The following PEX7 variants were observed in gnomAD, a reference collection of about 807,000 sequenced individuals.
PEX7 encodes PTS2 receptor.
A neutral mutation model predicts 47.5 loss-of-function variants in PEX7; 34 were observed. The observed-to-expected ratio is 0.72, with a 90% CI of 0.54 to 0.95. The LOEUF (loss-of-function observed/expected upper bound fraction) is 0.95. PEX7 is among the 40% of genes least tolerant of loss of function. PEX7 has a pLI of 0.00. For synonymous variants in PEX7, 141 were observed against 148.8 expected, an observed-to-expected ratio of 0.95 and a Z score of 0.38; for missense variants, 394 against 400.3, an observed-to-expected ratio of 0.98 and a Z score of 0.13.
intron 9 of PEX7, among the ~76,000 whole-genome samples, chr6:136,905,906 C>T (rs535842827): frequency 6.6e-6 from 1 of 152,350 alleles, no homozygotes; most frequent in African/African-American, 2.4e-5. Context: ...TGTCTCTTCG[C>T]ATTTCCTAAA....
At chr6:136,893,272 G>A (rs1045116668) in intron 8 of PEX7, among the ~76,000 whole-genome samples, 4 of 151,430 alleles carry the variant, frequency 2.6e-5, no homozygotes, top group Non-Finnish European at 5.9e-5. Flanking sequence ...CCCTGCTTAC[G>A]TCCTGGAACA....
intron 3 of PEX7, among the ~76,000 whole-genome samples, chr6:136,829,753 A>G (rs922984472): frequency 6.6e-6 from 1 of 152,170 alleles, no homozygotes; most frequent in Non-Finnish European, 1.5e-5. Context: ...CCTGGCCAAC[A>G]TGGCGAAAAC....
At chr6:136,875,442 A>G (rs1449974850) in intron 8 of PEX7, among the ~76,000 whole-genome samples, 2 of 152,176 alleles carry the variant, frequency 1.3e-5, no homozygotes, top group East Asian at 1.9e-4. Context: ...TAGTTTCCAT[A>G]TGAAAATGCC....
At chr6:136,895,507 C>T (rs1344311983) in intron 8 of PEX7, among the ~76,000 whole-genome samples, 2 of 152,196 alleles carry the variant, frequency 1.3e-5, no homozygotes, top group African/African-American at 4.8e-5. Context: ...CCTCTCAAGG[C>T]AAAAGCTGGC....
At chr6:136,840,248 A>C (rs563405628) in intron 3 of PEX7, among the ~76,000 whole-genome samples, 2 of 152,176 alleles carry the variant, frequency 1.3e-5, no homozygotes, top group Non-Finnish European at 2.9e-5. Flanking sequence ...AAGAAATGAA[A>C]CATTACCTAT....
chr6:136,822,899 C>T (rs1774107732), intron 1 of PEX7, 104 bp downstream of exon 1: 1 of 1,216,398 alleles, frequency 8.2e-7, no homozygotes, highest in Non-Finnish European at 1.0e-6. Flanking sequence ...TGAGCGTAGA[C>T]GGTTCCGCGG....
chr6:136,873,676 A>G (rs1176376280), intron 8 of PEX7, among the ~76,000 whole-genome samples: 2 of 152,190 alleles, frequency 1.3e-5, no homozygotes, highest in African/African-American at 4.8e-5. Flanking sequence ...TAAATAGTTT[A>G]TAGAGAATGT....
At chr6:136,887,976 T>C (rs1296244443) in intron 8 of PEX7, among the ~76,000 whole-genome samples, 5 of 152,110 alleles carry the variant, frequency 3.3e-5, no homozygotes, top group Non-Finnish European at 4.4e-5. Flanking sequence ...TTTGCCCTTA[T>C]CTAGTAAGTG....
intron 3 of PEX7, among the ~76,000 whole-genome samples, chr6:136,844,351 A>G (rs1171326432): frequency 1.2e-4 from 18 of 150,750 alleles, no homozygotes; most frequent in African/African-American, 4.1e-4. Context: ...AGCCTGGGCG[A>G]CTGCGCAAGA....
chr6:136,868,771 G>GAA (rs1275885059), intron 6 of PEX7, among the ~76,000 whole-genome samples: 1 of 151,700 alleles, frequency 6.6e-6, no homozygotes, highest in African/African-American at 2.4e-5. Flanking sequence ...TTGCTGTTCT[G>GAA]AGTTATGTGG....
chr6:136,906,662 A>G (rs1026116495), intron 9 of PEX7, among the ~76,000 whole-genome samples: 1 of 152,130 alleles, frequency 6.6e-6, no homozygotes, highest in African/African-American at 2.4e-5. Context: ...CATTTTTCCT[A>G]TTGCTGTCCC....
chr6:136,908,421 A>G (rs1775878399), intron 9 of PEX7, among the ~76,000 whole-genome samples: 1 of 152,180 alleles, frequency 6.6e-6, no homozygotes, highest in Admixed American at 6.6e-5. Context: ...TAAGAAATAT[A>G]ACATTTTGAC....
At chr6:136,868,731 T>C (rs1775118793) in intron 6 of PEX7, among the ~76,000 whole-genome samples, 1 of 144,016 alleles carries the variant, frequency 6.9e-6, no homozygotes, top group Non-Finnish European at 1.5e-5. Flanking sequence ...TGGCAAAAAC[T>C]GCAACTACTT....
At chr6:136,846,332 A>C (rs566558675) in intron 5 of PEX7, 151 bp downstream of exon 5, 18 of 436,030 alleles carry the variant, frequency 4.1e-5, no homozygotes, top group African/African-American at 3.5e-4. Context: ...TTCTTTTTTT[A>C]TTTTTATTTT....
chr6:136,909,602 AT>A (rs1775901450), intron 9 of PEX7, among the ~76,000 whole-genome samples: 2 of 152,128 alleles, frequency 1.3e-5, no homozygotes, highest in Admixed American at 6.6e-5. Context: ...TTCTTACCTT[AT>A]TATTATTTTC....
At chr6:136,905,162 A>T (rs754430454) in intron 9 of PEX7, among the ~76,000 whole-genome samples, 38 of 152,188 alleles carry the variant, frequency 2.5e-4, no homozygotes, top group Non-Finnish European at 5.1e-4. Context: ...AGGAATGAGC[A>T]TCTTTTTCCG....
At position 136,826,239 on chromosome 6, in the gene PEX7, C is replaced by A. The variant is rs927911488; in HGVS notation, c.189-80C>A. The stretch of plus-strand genomic sequence containing the variant: ...GTGTGATAAATTGAAAGAAAAAAAA[C>A]CATAATTGTTATTTTTTTTGTTGTG... On this transcript the variant is annotated intron_variant, in intron 2 of 9. Transcript: ENST00000318471. 35 of 1,465,282 alleles carry A rather than the reference C, an allele frequency of 2.4e-5. No individual in the cohort carries two copies. The African/African-American group carries it at 2.6e-4, about 11-fold the overall frequency. 90.8% of individuals were successfully genotyped at this position (1,465,282 alleles called of 1,614,324 possible). A position where few individuals can be genotyped will look rare whatever the true frequency, so the allele number is the denominator to read the frequency against.
At chr6:136,887,675 T>C (rs1252234865) in intron 8 of PEX7, among the ~76,000 whole-genome samples, 1 of 152,210 alleles carries the variant, frequency 6.6e-6, no homozygotes, top group East Asian at 1.9e-4. Context: ...ACAAAGGACA[T>C]ACGGGTGTTC....
intron 9 of PEX7, among the ~76,000 whole-genome samples, chr6:136,907,728 A>C (rs568236233): frequency 2.6e-5 from 4 of 152,286 alleles, no homozygotes; most frequent in African/African-American, 9.6e-5. Context: ...AATCACATTA[A>C]ATCATTTGAG....
Sources: allele counts gnomAD v4.1 joint callset (sites outside exome capture counted in the v4.1 genomes callset), GRCh38; gene constraint gnomAD v4.1.1; transcripts MANE v1.5; gene names NCBI Gene and HGNC (gene_info 2026-07-23, HGNC 2026-07-21).